The following ADAM22 variants were observed in gnomAD, a reference collection of about 807,000 sequenced individuals.
ADAM22 encodes the protein disintegrin and metalloproteinase domain-containing protein 22.
Under a neutral mutation model 144.6 loss-of-function variants are expected in ADAM22, and 65 were observed. The ratio of observed to expected loss-of-function variants is 0.45; its 90% CI spans 0.37 to 0.55. ADAM22 has a LOEUF of 0.55. ADAM22 is among the 20% of genes least tolerant of loss of function. The probability of loss-of-function intolerance (pLI) is 0.00; values close to 1 mark genes in which losing one functional copy is unlikely to be tolerated. For missense variants in ADAM22, 974 were observed against 1,184.9 expected (o/e 0.82, Z 2.61); for synonymous variants, 391 against 412.6 (o/e 0.95, Z 0.63).
At chr7:87,962,964 C>T (rs1279640156) in intron 2 of ADAM22, among the ~76,000 whole-genome samples, 2 of 152,166 alleles carry the variant, frequency 1.3e-5, no homozygotes, top group African/African-American at 2.4e-5. Context: ...TTTTCATAAG[C>T]AACTGCTCAC....
At chr7:88,101,074 C>T (rs556291185) in intron 4 of ADAM22, among the ~76,000 whole-genome samples, 11 of 151,370 alleles carry the variant, frequency 7.3e-5, no homozygotes, top group African/African-American at 2.7e-4. Flanking sequence ...AGCAGAGGTT[C>T]CCAACTATGG....
In ADAM22 at chr7:88,131,440, G is replaced by A. The variant is rs377530817; in HGVS notation, c.992+5G>A. ...TGATGCAGTTCACCTTTTTTCGTAC[G>A]TAACTTCTGTAATGATGTATTACTT... On this transcript the variant is annotated splice_donor_5th_base_variant and intron_variant, in intron 11 of 31. Coordinates refer to ENST00000413139, the MANE Select transcript of ADAM22 (RefSeq NM_001324418.2). The A allele has an allele frequency of 6.8e-6, 11 of 1,612,730 alleles. No homozygotes were observed. Among genetic ancestry groups the A allele is most frequent in the Non-Finnish European group, 4.2e-6 (5 of 1,179,176 alleles).
chr7:87,982,891 A>T, intron 3 of ADAM22, among the ~76,000 whole-genome samples: 2 of 150,634 alleles, frequency 1.3e-5, no homozygotes, highest in African/African-American at 2.4e-5. Context: ...GAGTTTCTCC[A>T]TGTTGGTCAG....
At chr7:88,184,062 C>T (rs993267874) in intron 29 of ADAM22, among the ~76,000 whole-genome samples, 3 of 151,830 alleles carry the variant, frequency 2.0e-5, no homozygotes, top group Non-Finnish European at 4.4e-5. Context: ...TGTTTCAGGT[C>T]CATTACTCAA....
intron 3 of ADAM22, among the ~76,000 whole-genome samples, chr7:88,017,931 T>C (rs1055938275): frequency 1.3e-5 from 2 of 152,040 alleles, no homozygotes; most frequent in African/African-American, 4.8e-5. Context: ...CATACAGATA[T>C]GGGAAATGAA....
intron 4 of ADAM22, among the ~76,000 whole-genome samples, chr7:88,092,326 C>T (rs1820106852): frequency 6.6e-6 from 1 of 152,128 alleles, no homozygotes; most frequent in Admixed American, 6.6e-5. Context: ...ACACAGCCCG[C>T]AAGCAGGAAG....
intron 2 of ADAM22, among the ~76,000 whole-genome samples, chr7:87,972,329 C>G (rs1850666453): frequency 6.6e-6 from 1 of 150,940 alleles, no homozygotes; most frequent in Admixed American, 6.6e-5. Context: ...AACTCCCATT[C>G]ACAATTGCTT....
chr7:88,164,200 T>C (rs1842423623), intron 23 of ADAM22, among the ~76,000 whole-genome samples: 1 of 152,098 alleles, frequency 6.6e-6, no homozygotes, highest in Non-Finnish European at 1.5e-5. Flanking sequence ...AAAAGAATAA[T>C]GGAATTTTTC....
intron 2 of ADAM22, among the ~76,000 whole-genome samples, chr7:87,968,751 G>A (rs1226252211): frequency 6.6e-6 from 1 of 152,100 alleles, no homozygotes; most frequent in African/African-American, 2.4e-5. Context: ...CTTCCCAAGT[G>A]TATTAGTCTG....
At chr7:88,043,321 T>TA (rs1223467059) in intron 3 of ADAM22, among the ~76,000 whole-genome samples, 1 of 151,780 alleles carries the variant, frequency 6.6e-6, no homozygotes, top group Non-Finnish European at 1.5e-5. Flanking sequence ...CCGTCTCTAC[T>TA]AAAAATACAA....
intron 3 of ADAM22, among the ~76,000 whole-genome samples, chr7:87,988,987 GTT>G (rs1343235303): frequency 6.6e-5 from 10 of 152,178 alleles, no homozygotes; most frequent in African/African-American, 2.4e-4. Flanking sequence ...TGCTTTCTCT[GTT>G]AATGTCCCCA....
rs575037493 is a variant in ADAM22 at position 87,966,706 on chromosome 7, T to C, written c.247-11630T>C. ...GGGAATGCCTCTCAAGAGTTCATCT[T>C]ATCCAAGGAAAGCCGTTTTTTTTTT... On this transcript the variant is annotated intron_variant, in intron 2 of 31. Transcript: ENST00000413139. Among the ~76,000 whole-genome samples, 11 of 136,074 alleles carry C rather than the reference T, an allele frequency of 8.1e-5. No individual in the cohort carries two copies. The East Asian group carries it at 2.0e-3, about 25-fold the overall frequency. 89.3% of individuals were successfully genotyped at this position (136,074 alleles called of 152,430 possible). A position where few individuals can be genotyped will look rare whatever the true frequency, so the allele number is the denominator to read the frequency against.
intron 7 of ADAM22, among the ~76,000 whole-genome samples, chr7:88,123,469 A>G (rs1829765229): frequency 6.6e-6 from 1 of 152,038 alleles, no homozygotes; most frequent in Non-Finnish European, 1.5e-5. Context: ...ACGTTCAAGG[A>G]ATTTCATCTA....
intron 13 of ADAM22, among the ~76,000 whole-genome samples, chr7:88,134,846 T>C (rs954150485): frequency 3.3e-5 from 5 of 152,120 alleles, no homozygotes; most frequent in Non-Finnish European, 5.9e-5. Flanking sequence ...TTAGTTAATA[T>C]ATGGACCTAG....
At chr7:88,036,128 T>C (rs1462415267) in intron 3 of ADAM22, among the ~76,000 whole-genome samples, 1 of 152,216 alleles carries the variant, frequency 6.6e-6, no homozygotes, top group African/African-American at 2.4e-5. Context: ...GTACTTTTTA[T>C]GCTACTCACA....
chr7:88,070,213 C>A (rs1394015920), intron 3 of ADAM22, among the ~76,000 whole-genome samples: 1 of 152,102 alleles, frequency 6.6e-6, no homozygotes, highest in Non-Finnish European at 1.5e-5. Flanking sequence ...AGATAGGTCC[C>A]TCTCTACTGT....
At chr7:88,114,483 T>C in intron 5 of ADAM22, 101 bp from the exon 6 acceptor site, 3 of 1,052,280 alleles carry the variant, frequency 2.9e-6, no homozygotes, top group East Asian at 4.8e-5. Context: ...AAATGGGCAT[T>C]GAGAAGCAAA....
At chr7:88,019,064 C>G (rs1236910117) in intron 3 of ADAM22, among the ~76,000 whole-genome samples, 1 of 149,668 alleles carries the variant, frequency 6.7e-6, no homozygotes. Flanking sequence ...GTGTGAACTA[C>G]TAAACCAAAA....
At chr7:88,131,009 A>T (rs138170660) in intron 10 of ADAM22, among the ~76,000 whole-genome samples, 378 of 152,274 alleles carry the variant, frequency 2.5e-3, no homozygotes, top group African/African-American at 8.7e-3. Flanking sequence ...ACCAGAAAAC[A>T]GATTCAGGTG....
Sources: gnomAD v4.1 joint callset for allele counts (sites outside exome capture counted in the v4.1 genomes callset) on GRCh38, gnomAD v4.1.1 for gene constraint, MANE v1.5 for transcripts, NCBI Gene and HGNC (gene_info 2026-07-23, HGNC 2026-07-21) for gene names.